The following STN1 variants were observed in gnomAD, a reference collection of about 807,000 sequenced individuals.
The protein encoded by STN1 is CST complex subunit STN1.
A neutral mutation model predicts 45.5 loss-of-function variants in STN1; 29 were observed. The observed-to-expected ratio is 0.64, with a 90% CI of 0.47 to 0.87. STN1 has a LOEUF of 0.87. Ranked by LOEUF, STN1 falls within the 40% of genes least tolerant of loss-of-function variation. The pLI is 0.00. For synonymous variants in STN1, 148 were observed against 159.0 expected, an observed-to-expected ratio of 0.93 and a Z score of 0.52; for missense variants, 376 against 441.4, an observed-to-expected ratio of 0.85 and a Z score of 1.33.
chr10:103,884,089 CAAAAAAA>C (rs35521096), intron 9 of STN1, among the ~76,000 whole-genome samples: 3 of 49,798 alleles, frequency 6.0e-5, no homozygotes, highest in South Asian at 1.1e-3. Flanking sequence ...GACTCCATCT[CAAAAAAA>C]AAAAAAAAAA....
At chr10:103,889,041 C>CT (rs1564631648) in intron 9 of STN1, 31 bp downstream of exon 9, 5 of 1,490,586 alleles carry the variant, frequency 3.4e-6, no homozygotes, top group Non-Finnish European at 3.7e-6. Context: ...TCCAGGGCAC[C>CT]AGGGCATCAC....
rs374889166 is a variant in STN1, at chr10:103,894,363, A to G, written c.754-2111T>C. ...TAAAAAGCCTAGTTCCCCCTCCCAGATTTCAGTCAGATCAAGCAGCAGGAA... is the reference window on the plus strand; with the variant it reads ...TAAAAAGCCTAGTTCCCCCTCCCAGGTTTCAGTCAGATCAAGCAGCAGGAA... On this transcript the variant is annotated intron_variant, in intron 7 of 9. Coordinates refer to ENST00000224950, the MANE Select transcript of STN1 (RefSeq NM_024928.5). 2.0e-5 allele frequency among the ~76,000 whole-genome samples: 3 copies of G among 152,256 alleles called. No individual in the cohort carries two copies. In the South Asian group the frequency reaches 6.2e-4, roughly 32 times the overall value.
In STN1 at chr10:103,909,424, G is replaced by GTA. The variant is rs1198988740; in HGVS notation, c.229+1101_229+1102dup. The stretch of plus-strand genomic sequence containing the variant: ...TATATATATGTATATATGTATATAT[G>GTA]TATATATATGTATATATATGTATAT... On this transcript the variant is annotated intron_variant, in intron 3 of 9. Coordinates refer to ENST00000224950, the MANE Select transcript of STN1 (RefSeq NM_024928.5). Among the ~76,000 whole-genome samples the GTA allele has an allele frequency of 3.7e-4, 18 of 48,404 alleles. 2 individuals carry two copies. The highest frequency in any genetic ancestry group is 1.5e-3 in the African/African-American group (17 of 11,484). The allele number at this position is 48,404 out of a possible 152,430, so 31.8% of individuals were successfully genotyped here.
At chr10:103,895,449 G>A (rs1482338385) in intron 7 of STN1, among the ~76,000 whole-genome samples, 1 of 152,336 alleles carries the variant, frequency 6.6e-6, no homozygotes, top group Admixed American at 6.5e-5. Flanking sequence ...GAAGTCCTAG[G>A]AGGTCAATTT....
intron 4 of STN1, among the ~76,000 whole-genome samples, chr10:103,903,596 TCTC>T (rs1380093347): frequency 6.6e-6 from 1 of 152,084 alleles, no homozygotes; most frequent in African/African-American, 2.4e-5. Flanking sequence ...GAGGAACAGT[TCTC>T]CTCCCCTCTG....
chr10:103,894,001 G>A (rs1843156078), intron 7 of STN1, among the ~76,000 whole-genome samples: 1 of 152,096 alleles, frequency 6.6e-6, no homozygotes, highest in South Asian at 2.1e-4. Flanking sequence ...AAACCTCTCT[G>A]GGTGTGTTTA....
Position 103,910,531 on chromosome 10 carries a change from A to AT in STN1, c.224dup (p.Tyr75Ter). The AT allele has an allele frequency of 6.3e-7, 1 of 1,593,948 alleles. No individual in the cohort carries two copies. Among genetic ancestry groups the AT allele is most frequent in the Admixed American group, 1.7e-5 (1 of 59,934 alleles). The change falls in exon 3 of 10, where the codon TAT (tyrosine) becomes TAAT (stop). Residue 75 changes from tyrosine to a stop codon, truncating the protein, a stop_gained and frameshift_variant. Transcript: ENST00000224950. LOFTEE classifies it high-confidence loss of function. Reference sequence around the variant, plus strand: ...TTCAGACACAATTGTTCTTACCTCCATAACTGTAGAAAGCATCTCTTTCTC... The same window carrying AT: ...TTCAGACACAATTGTTCTTACCTCCATTAACTGTAGAAAGCATCTCTTTCTC... ...GVRERDAFYS[Y>*]GVDDSTGVIN...
intron 9 of STN1, among the ~76,000 whole-genome samples, chr10:103,883,144 C>CT (rs918983628): frequency 1.3e-5 from 2 of 152,144 alleles, no homozygotes; most frequent in Non-Finnish European, 2.9e-5. Flanking sequence ...GCTTGATAAA[C>CT]TTTTTTCTGT....
At chr10:103,912,353 G>A (rs1367353578) in intron 2 of STN1, among the ~76,000 whole-genome samples, 1 of 152,156 alleles carries the variant, frequency 6.6e-6, no homozygotes, top group African/African-American at 2.4e-5. Flanking sequence ...TTAAGATGTA[G>A]CCAGTTCCAA....
At position 103,878,909 on chromosome 10, in the gene STN1, C is replaced by T. The variant is rs1208283057; in HGVS notation, c.*3775G>A. 1 of 152,512 alleles carries T rather than the reference C, an allele frequency of 6.6e-6. No homozygotes were observed. The highest frequency in any genetic ancestry group is 2.4e-5 in the African/African-American group (1 of 41,430). The allele number at this position is 152,512 out of a possible 1,614,324, so 9.4% of individuals were successfully genotyped here. Reference sequence around the variant, plus strand: ...CAGGGAGGGTGAGGCTGGTGGTTATCAGGTTAGCTGCTCCTGTGGGTGGCT... The same window carrying T: ...CAGGGAGGGTGAGGCTGGTGGTTATTAGGTTAGCTGCTCCTGTGGGTGGCT... On this transcript the variant is annotated 3_prime_UTR_variant, in exon 10 of 10. Transcript: ENST00000224950.
At chr10:103,909,546 A>ATATGTGTGTGTATATATGTATATATG (rs1564635241) in intron 3 of STN1, among the ~76,000 whole-genome samples, 2 of 128,578 alleles carry the variant, frequency 1.6e-5, no homozygotes, top group Admixed American at 8.4e-5. Flanking sequence ...ATATGTACAT[A>ATATGTGTGTGTATATATGTATATATG]TATATATGCT....
At chr10:103,907,607 AAC>A (rs1486340708) in intron 3 of STN1, among the ~76,000 whole-genome samples, 1 of 152,196 alleles carries the variant, frequency 6.6e-6, no homozygotes, top group Admixed American at 6.5e-5. Context: ...TGTTCACCCA[AAC>A]ACTGACATTG....
chr10:103,906,226 AC>A (rs1355044413), intron 3 of STN1, among the ~76,000 whole-genome samples: 2 of 152,248 alleles, frequency 1.3e-5, no homozygotes, highest in African/African-American at 4.8e-5. Context: ...CCCTGGACTT[AC>A]AGTGGGTGGG....
rs1483703147 is a variant in STN1 at position 103,882,278 on chromosome 10, C to T, written c.*406G>A. ...ACCTGAAGTTTTGAAAAGCTTAGAACTGTGTGATCAGGCCATATGCCCCTC... is the reference window on the plus strand; with the variant it reads ...ACCTGAAGTTTTGAAAAGCTTAGAATTGTGTGATCAGGCCATATGCCCCTC... On this transcript the variant is annotated 3_prime_UTR_variant, in exon 10 of 10. Coordinates refer to ENST00000224950, the MANE Select transcript of STN1 (RefSeq NM_024928.5). Among the ~76,000 whole-genome samples the T allele has an allele frequency of 2.0e-5, 3 of 152,256 alleles. No individual in the cohort carries two copies. Among genetic ancestry groups the T allele is most frequent in the Non-Finnish European group, 4.4e-5 (3 of 68,052 alleles).
In STN1 at chr10:103,898,839, C is replaced by T. The variant is rs183639375; in HGVS notation, c.581+38G>A. ...GGGCTCAGCTGCTTCAGTTTTCTGC[C>T]GTGGTCACGTGCTCAGCAGTGATAA... is the stretch of plus-strand genomic sequence containing the variant. On this transcript the variant is annotated intron_variant, in intron 6 of 9. Transcript: ENST00000224950. 4,221 of 1,610,438 alleles carry T rather than the reference C, an allele frequency of 2.6e-3. 14 individuals are homozygous for T. Among genetic ancestry groups the T allele is most frequent in the Admixed American group, 3.4e-3 (204 of 59,856 alleles).
chr10:103,912,146 C>T (rs982945161), intron 2 of STN1, among the ~76,000 whole-genome samples: 1 of 152,034 alleles, frequency 6.6e-6, no homozygotes, highest in African/African-American at 2.4e-5. Flanking sequence ...GAGTCACCTC[C>T]ATCCAGGAAA....
rs1564633091 is a variant in STN1 at position 103,897,733 on chromosome 10, GT to G, written c.582-15del. ...GCGCCTGGATTGCTGCGGAGGGAAA[GT>G]TTTAAAGAGCTCTGCAGAAAACCAT... On this transcript the variant is annotated splice_polypyrimidine_tract_variant and intron_variant, in intron 6 of 9. Coordinates refer to ENST00000224950, the MANE Select transcript of STN1 (RefSeq NM_024928.5). 4.5e-5 allele frequency: 73 copies of G among 1,612,276 alleles called. No individual in the cohort carries two copies. The highest frequency in any genetic ancestry group is 6.0e-5 in the Non-Finnish European group (71 of 1,179,104).
chr10:103,893,177 TC>T (rs1320218598), intron 7 of STN1, among the ~76,000 whole-genome samples: 2 of 151,786 alleles, frequency 1.3e-5, no homozygotes, highest in African/African-American at 4.8e-5. Flanking sequence ...AAAGTACAGA[TC>T]CTTTTTTTTT....
intron 7 of STN1, among the ~76,000 whole-genome samples, chr10:103,894,590 A>G (rs1461570214): frequency 6.6e-6 from 1 of 152,146 alleles, no homozygotes; most frequent in East Asian, 1.9e-4. Flanking sequence ...CGTCTCTTCC[A>G]GCCAGCAGCT....
Sources: allele counts gnomAD v4.1 joint callset (sites outside exome capture counted in the v4.1 genomes callset), GRCh38; gene constraint gnomAD v4.1.1; transcripts MANE v1.5; gene names NCBI Gene and HGNC (gene_info 2026-07-23, HGNC 2026-07-21).